The following ZBTB20 variants were observed in gnomAD, a reference collection of about 807,000 sequenced individuals.
ZBTB20 encodes the protein zinc finger and BTB domain containing 20.
A neutral mutation model predicts 56.9 loss-of-function variants in ZBTB20; 9 were observed. The ratio of observed to expected loss-of-function variants is 0.16; its 90% CI spans 0.10 to 0.28. The LOEUF (loss-of-function observed/expected upper bound fraction) is 0.28. Ranked by LOEUF, ZBTB20 falls within the 10% of genes least tolerant of loss-of-function variation. The pLI is 1.00. For missense variants in ZBTB20, 655 were observed against 1,003.0 expected (o/e 0.65, Z 4.69); for synonymous variants, 417 against 420.7 (o/e 0.99, Z 0.11).
At position 114,859,408 on chromosome 3, in the gene ZBTB20, C is replaced by T. The variant is rs565430193; in HGVS notation, c.-417+40896G>A. On this transcript the variant is annotated intron_variant, in intron 4 of 11. Transcript: ENST00000675478. ...TCCTTCCTTCTTCCTTTTCTTTTCTCGTGCTTCTCTCCCTTAGTTTCTCTC... is the reference window on the plus strand; with the variant it reads ...TCCTTCCTTCTTCCTTTTCTTTTCTTGTGCTTCTCTCCCTTAGTTTCTCTC... Among the ~76,000 whole-genome samples, 25 of 151,010 alleles carry T rather than the reference C, an allele frequency of 1.7e-4. No individual in the cohort carries two copies. In the South Asian group the frequency reaches 4.2e-3, roughly 25 times the overall value.
rs115669256 is a variant in ZBTB20 at position 115,011,238 on chromosome 3, C to T, written c.-506-36822G>A. 6.4e-3 allele frequency among the ~76,000 whole-genome samples: 973 copies of T among 151,832 alleles called. 5 individuals are homozygous for T. Among genetic ancestry groups the T allele is most frequent in the Non-Finnish European group, 0.011 (740 of 67,860 alleles). ...AAGAGACAGGGGTAGAAAGTTTATC[C>T]GAAGGAATAATAACAGAGAACTTCC... On this transcript the variant is annotated intron_variant, in intron 2 of 11. Transcript: ENST00000675478.
At chr3:114,919,472 C>T (rs1031286572) in intron 3 of ZBTB20, among the ~76,000 whole-genome samples, 4 of 151,940 alleles carry the variant, frequency 2.6e-5, no homozygotes, top group African/African-American at 9.7e-5. Context: ...CTTTGGGAGG[C>T]CAAGGGGAGT....
intron 2 of ZBTB20, among the ~76,000 whole-genome samples, chr3:114,990,974 C>T (rs1294978742): frequency 2.6e-5 from 4 of 151,874 alleles, no homozygotes; most frequent in African/African-American, 4.8e-5. Context: ...TTTTTTATTG[C>T]GTCTATTTGA....
intron 6 of ZBTB20, among the ~76,000 whole-genome samples, chr3:114,549,936 A>G (rs555209281): frequency 6.6e-6 from 1 of 151,638 alleles, no homozygotes; most frequent in Admixed American, 6.6e-5. Flanking sequence ...ACTTCTATAT[A>G]ACTTCTTTTT....
intron 2 of ZBTB20, among the ~76,000 whole-genome samples, chr3:115,055,214 T>TCTCTCTCTCTCTCTCTCTCTCTCTCTCA (rs1343595137): frequency 6.7e-6 from 1 of 149,362 alleles, no homozygotes; most frequent in African/African-American, 2.5e-5. Context: ...TCTCTCTCTC[T>TCTCTCTCTCTCTCTCTCTCTCTCTCTCA]CTCTCTCTCT....
chr3:114,878,062 C>G (rs1406019959), intron 4 of ZBTB20, among the ~76,000 whole-genome samples: 2 of 152,098 alleles, frequency 1.3e-5, no homozygotes, highest in Non-Finnish European at 2.9e-5. Context: ...AAAAAAGAAA[C>G]AGCCCTACTT....
At chr3:114,510,708 G>C (rs1194633034) in intron 6 of ZBTB20, among the ~76,000 whole-genome samples, 1 of 151,988 alleles carries the variant, frequency 6.6e-6, no homozygotes, top group Non-Finnish European at 1.5e-5. Context: ...ATCCCTGAAC[G>C]AATCTCTTTC....
chr3:114,681,025 A>G (rs1267930683), intron 6 of ZBTB20, among the ~76,000 whole-genome samples: 1 of 152,214 alleles, frequency 6.6e-6, no homozygotes, highest in South Asian at 2.1e-4. Context: ...ACAGACTAAC[A>G]TTTACAAAGC....
chr3:114,599,931 G>C (rs2056631317), intron 6 of ZBTB20, among the ~76,000 whole-genome samples: 1 of 151,794 alleles, frequency 6.6e-6, no homozygotes, highest in Admixed American at 6.6e-5. Context: ...GGGGTGAAGG[G>C]GAGTGGGAAG....
At chr3:114,677,367 C>T (rs1008826171) in intron 6 of ZBTB20, among the ~76,000 whole-genome samples, 1 of 152,114 alleles carries the variant, frequency 6.6e-6, no homozygotes, top group African/African-American at 2.4e-5. Context: ...CTTAGCTGTA[C>T]GGGAGGAGAT....
intron 4 of ZBTB20, among the ~76,000 whole-genome samples, chr3:114,814,062 T>A (rs571470169): frequency 1.1e-3 from 164 of 151,896 alleles, no homozygotes; most frequent in African/African-American, 3.8e-3. Context: ...AAGAGCATCC[T>A]AGAAAATTGA....
intron 6 of ZBTB20, among the ~76,000 whole-genome samples, chr3:114,622,248 G>C (rs1315550237): frequency 6.6e-6 from 1 of 151,832 alleles, no homozygotes; most frequent in Non-Finnish European, 1.5e-5. Flanking sequence ...GGTGGTAATG[G>C]CCTAAGAGCT....
intron 2 of ZBTB20, among the ~76,000 whole-genome samples, chr3:115,045,260 C>A (rs1242325797): frequency 6.6e-6 from 1 of 152,030 alleles, no homozygotes; most frequent in Non-Finnish European, 1.5e-5. Context: ...AACTAAAAAA[C>A]ATGTAGTATA....
intron 2 of ZBTB20, among the ~76,000 whole-genome samples, chr3:115,068,134 T>G (rs373342836): frequency 2.3e-4 from 35 of 152,110 alleles, no homozygotes; most frequent in African/African-American, 7.9e-4. Flanking sequence ...CTTAAAAATA[T>G]CAGGTTTAAC....
At chr3:115,129,078 G>A (rs1387499981) in intron 1 of ZBTB20, among the ~76,000 whole-genome samples, 3 of 151,628 alleles carry the variant, frequency 2.0e-5, no homozygotes, top group East Asian at 3.9e-4. Context: ...CAGCCTGGGC[G>A]ACAAAGCGAG....
chr3:114,799,716 T>C (rs1354789592), intron 5 of ZBTB20, among the ~76,000 whole-genome samples: 1 of 151,938 alleles, frequency 6.6e-6, no homozygotes, highest in African/African-American at 2.4e-5. Context: ...TAACAATAAC[T>C]ATCATTTATT....
chr3:114,359,682 G>T (rs561028750), intron 10 of ZBTB20, among the ~76,000 whole-genome samples: 3 of 152,270 alleles, frequency 2.0e-5, no homozygotes, highest in South Asian at 2.1e-4. Context: ...ACATCCGTGG[G>T]TGGTATACAA....
chr3:114,714,786 A>G (rs1483143593), intron 5 of ZBTB20, among the ~76,000 whole-genome samples: 1 of 152,212 alleles, frequency 6.6e-6, no homozygotes, highest in Non-Finnish European at 1.5e-5. Context: ...AAATAATGAC[A>G]TTTCTTCATT....
chr3:114,379,912 C>A (rs958328940), intron 10 of ZBTB20, among the ~76,000 whole-genome samples: 3 of 152,094 alleles, frequency 2.0e-5, no homozygotes, highest in Non-Finnish European at 4.4e-5. Context: ...TGCCATTATC[C>A]AGATCAAGAA....
Sources: gnomAD v4.1 joint callset for allele counts (sites outside exome capture counted in the v4.1 genomes callset) on GRCh38, gnomAD v4.1.1 for gene constraint, MANE v1.5 for transcripts, NCBI Gene and HGNC (gene_info 2026-07-23, HGNC 2026-07-21) for gene names.